Variants in ANKRD26 observed in about 807,000 individuals in gnomAD.
The protein encoded by ANKRD26 is ankyrin repeat domain 26.
In ANKRD26, 141 loss-of-function variants were observed where a neutral mutation model predicts 208.7. The ratio of observed to expected loss-of-function variants is 0.68; its 90% CI spans 0.59 to 0.78. ANKRD26 has a LOEUF of 0.78. Ranked by LOEUF, ANKRD26 falls within the 30% of genes least tolerant of loss-of-function variation. The pLI, the probability that ANKRD26 is intolerant of heterozygous loss-of-function variation, is 0.00. For missense variants in ANKRD26, 1,889 were observed against 1,938.7 expected, an observed-to-expected ratio of 0.97 and a Z score of 0.48; for synonymous variants, 636 against 660.4, an observed-to-expected ratio of 0.96 and a Z score of 0.57.
chr10:26,973,089 G>A (rs2052174018), downstream of ANKRD26, among the ~76,000 whole-genome samples: 1 of 151,930 alleles, frequency 6.6e-6, no homozygotes, highest in African/African-American at 2.4e-5. Flanking sequence ...TTGAGTTCTG[G>A]CCTCGATATA....
At chr10:27,071,158 C>CTTTTTTTTTTTTTTTTTTTTT (rs1564411968) in intron 9 of ANKRD26, among the ~76,000 whole-genome samples, 1 of 128,728 alleles carries the variant, frequency 7.8e-6, no homozygotes, top group African/African-American at 3.1e-5. Flanking sequence ...TTGCTACATT[C>CTTTTTTTTTTTTTTTTTTTTT]ATTTTTTTTT....
intron 9 of ANKRD26, chr10:27,077,095 C>A: frequency 3.8e-6 from 2 of 521,638 alleles, no homozygotes; most frequent in Non-Finnish European, 6.8e-6. Flanking sequence ...TACAAAAATC[C>A]TCAAGAAAAT....
intron 18 of ANKRD26, 127 bp downstream of exon 18, chr10:27,046,226 C>G (rs970751621): frequency 5.9e-6 from 6 of 1,009,778 alleles, no homozygotes; most frequent in Non-Finnish European, 8.8e-6. Context: ...TTGTCCTCAT[C>G]TTAATCTTTC....
chr10:27,082,073 A>AAAAAAG (rs2055938840), intron 6 of ANKRD26, among the ~76,000 whole-genome samples: 1 of 28,128 alleles, frequency 3.6e-5, no homozygotes, highest in African/African-American at 7.9e-5. Flanking sequence ...AAAAAAAAAA[A>AAAAAAG]AGGGAGAGAG....
At chr10:27,032,677 T>C (rs2053911051) in intron 25 of ANKRD26, among the ~76,000 whole-genome samples, 2 of 150,520 alleles carry the variant, frequency 1.3e-5, no homozygotes, top group East Asian at 2.0e-4. Flanking sequence ...TAGCTGGGCA[T>C]GCTGGCACAC....
chr10:26,992,097 CT>C (rs1322253860), intron 5 of ANKRD26: 1 of 152,244 alleles, frequency 6.6e-6, no homozygotes, highest in East Asian at 1.9e-4. Flanking sequence ...AAAGAATCTC[CT>C]TGTGGGCAAA....
chr10:27,071,874 C>T (rs1247242305), intron 9 of ANKRD26, among the ~76,000 whole-genome samples: 2 of 152,190 alleles, frequency 1.3e-5, no homozygotes, highest in Non-Finnish European at 2.9e-5. Context: ...GAAAAAGCGG[C>T]ATCCCCATAT....
intron 6 of ANKRD26, among the ~76,000 whole-genome samples, chr10:27,081,611 G>T (rs1035890221): frequency 6.6e-6 from 1 of 152,142 alleles, no homozygotes; most frequent in African/African-American, 2.4e-5. Context: ...TTAAAATCCT[G>T]AAATTCTAGG....
rs372397062 is a variant in ANKRD26 at position 27,067,198 on chromosome 10, T to C, written c.1166A>G (p.Asn389Ser). 57 of 1,613,728 alleles carry C rather than the reference T, an allele frequency of 3.5e-5. No individual in the cohort carries two copies. Among genetic ancestry groups the C allele is most frequent in the Non-Finnish European group, 4.3e-5 (51 of 1,179,798 alleles). ...GTGCACTTCATCAACATAAGTCAAA[T>C]TGTCATTATTTGTTTGCTCTAGTGG... ...SAPLEQTNND[N>S]LTYVDEVHKN... is the part of the protein sequence containing the mutation. The change falls in exon 10 of 34, where the codon AAT becomes AGT. Residue 389 changes from asparagine (N) to serine (S), a missense_variant. This residue lies in a region of ANKRD26 where 1,272 missense variants were observed against 1,273.8 expected (regional missense o/e 1.00). Transcript: ENST00000376087.
intron 30 of ANKRD26, 99 bp downstream of exon 30, chr10:27,017,403 C>G (rs1564358130): frequency 3.9e-6 from 5 of 1,284,520 alleles, no homozygotes; most frequent in Non-Finnish European, 5.6e-6. Flanking sequence ...ATCTACAGAA[C>G]AAATTGCTAT....
At chr10:27,042,482 G>A (rs1019783318) in intron 20 of ANKRD26, among the ~76,000 whole-genome samples, 2 of 152,134 alleles carry the variant, frequency 1.3e-5, no homozygotes, top group Non-Finnish European at 2.9e-5. Context: ...GGCAGGGCGT[G>A]GTGGCTCACG....
At chr10:27,076,067 C>T (rs1472132642) in intron 9 of ANKRD26, among the ~76,000 whole-genome samples, 1 of 151,954 alleles carries the variant, frequency 6.6e-6, no homozygotes, top group African/African-American at 2.4e-5. Context: ...AATAACAGTG[C>T]TACAAATTAT....
At chr10:27,012,751 G>A (rs1451918770) in intron 32 of ANKRD26, 131 bp downstream of exon 32, 9 of 786,788 alleles carry the variant, frequency 1.1e-5, no homozygotes, top group Non-Finnish European at 1.7e-5. Flanking sequence ...CATAGAGGTT[G>A]CAGTGAGCCA....
At chr10:27,088,790 C>T (rs1258218444) in intron 4 of ANKRD26, among the ~76,000 whole-genome samples, 1 of 152,134 alleles carries the variant, frequency 6.6e-6, no homozygotes, top group African/African-American at 2.4e-5. Context: ...TTATTTGAAC[C>T]TGACAGTTGA....
At chr10:26,964,174 G>A in the ANKRD26 span, among the ~76,000 whole-genome samples, 1 of 151,966 alleles carries the variant, frequency 6.6e-6, no homozygotes, top group Non-Finnish European at 1.5e-5. Flanking sequence ...CTCCCAAAGG[G>A]CTGGGATTAC....
chr10:26,956,319 A>G, the ANKRD26 span, among the ~76,000 whole-genome samples: 3 of 152,210 alleles, frequency 2.0e-5, no homozygotes, highest in Admixed American at 1.3e-4. Flanking sequence ...GTCATAAGAA[A>G]GCCATAAAAA....
intron 20 of ANKRD26, among the ~76,000 whole-genome samples, chr10:27,042,708 G>A (rs1041131419): frequency 4.0e-5 from 6 of 150,576 alleles, no homozygotes; most frequent in South Asian, 2.1e-4. Flanking sequence ...AGCGGAGATC[G>A]CGCCACTGCA....
downstream of ANKRD26, among the ~76,000 whole-genome samples, chr10:26,991,500 G>A (rs950219518): frequency 1.6e-4 from 24 of 151,846 alleles, no homozygotes; most frequent in Non-Finnish European, 5.9e-5. Flanking sequence ...GCAATGGCAC[G>A]ATCTTGGCTC....
At chr10:26,972,692 G>A (rs897768639), downstream of ANKRD26, among the ~76,000 whole-genome samples, 2 of 150,076 alleles carry the variant, frequency 1.3e-5, no homozygotes, top group South Asian at 2.1e-4. Flanking sequence ...CCAGGTTGAC[G>A]CCATTCTCCT....
Sources: gnomAD v4.1 joint callset for allele counts (sites outside exome capture counted in the v4.1 genomes callset) on GRCh38, gnomAD v4.1.1 for gene constraint, gnomAD v4.1.1 regional missense constraint, MANE v1.5 for transcripts, NCBI Gene and HGNC (gene_info 2026-07-23, HGNC 2026-07-21) for gene names.